Variants in CGNL1 observed in about 807,000 individuals in gnomAD.
The protein encoded by CGNL1 is cingulin like 1.
Under a neutral mutation model 141.2 loss-of-function variants are expected in CGNL1, and 132 were observed. The observed-to-expected ratio is 0.93, with a 90% CI of 0.81 to 1.08. The LOEUF (loss-of-function observed/expected upper bound fraction) is 1.08, where lower values mean the gene tolerates loss of function less well. Ranked by LOEUF, CGNL1 falls within the 50% of genes least tolerant of loss-of-function variation. The pLI is 0.00. For missense variants in CGNL1, 1,870 were observed against 1,588.6 expected, an observed-to-expected ratio of 1.18 and a Z score of -3.01; for synonymous variants, 690 against 622.1, an observed-to-expected ratio of 1.11 and a Z score of -1.63.
intron 1 of CGNL1, among the ~76,000 whole-genome samples, chr15:57,393,605 C>T (rs1282795758): frequency 7.2e-5 from 11 of 151,946 alleles, no homozygotes; most frequent in African/African-American, 2.4e-4. Context: ...ATTTTGGGAT[C>T]CAAAGAATCT....
chr15:57,472,072 A>G (rs2063588916), intron 8 of CGNL1, among the ~76,000 whole-genome samples: 1 of 152,098 alleles, frequency 6.6e-6, no homozygotes, highest in East Asian at 1.9e-4. Flanking sequence ...CCCCCATCTC[A>G]GAAAAAAGAA....
intron 10 of CGNL1, among the ~76,000 whole-genome samples, chr15:57,520,535 G>A (rs922259670): frequency 6.6e-6 from 1 of 152,218 alleles, no homozygotes; most frequent in African/African-American, 2.4e-5. Flanking sequence ...TTCTTGGTTA[G>A]CTCAATGCCC....
chr15:57,459,098 C>T (rs1292966031), intron 7 of CGNL1, among the ~76,000 whole-genome samples: 1 of 152,228 alleles, frequency 6.6e-6, no homozygotes, highest in Non-Finnish European at 1.5e-5. Flanking sequence ...AGCTTATCAT[C>T]TCTGAAGCCT....
chr15:57,413,710 C>T (rs1225272243), intron 1 of CGNL1, among the ~76,000 whole-genome samples: 1 of 152,270 alleles, frequency 6.6e-6, no homozygotes, highest in Non-Finnish European at 1.5e-5. Context: ...CCCATACCCA[C>T]ATTCAGTGAT....
intron 1 of CGNL1, among the ~76,000 whole-genome samples, chr15:57,392,346 G>A (rs1407282894): frequency 6.6e-6 from 1 of 152,092 alleles, no homozygotes; most frequent in Non-Finnish European, 1.5e-5. Flanking sequence ...GGGAGGTTGG[G>A]GAAGGGGAAA....
intron 1 of CGNL1, among the ~76,000 whole-genome samples, chr15:57,378,382 T>TTTTTTG (rs2062389795): frequency 8.7e-6 from 1 of 115,346 alleles, no homozygotes; most frequent in Non-Finnish European, 1.8e-5. Context: ...TTTTTTTTTT[T>TTTTTTG]TTTTTTTTTT....
intron 14 of CGNL1, among the ~76,000 whole-genome samples, chr15:57,534,598 T>C (rs1194949407): frequency 1.3e-5 from 2 of 152,194 alleles, no homozygotes; most frequent in African/African-American, 4.8e-5. Flanking sequence ...TCCACTTAGA[T>C]TAACTTCTAG....
At chr15:57,401,762 G>C (rs1344372068) in intron 1 of CGNL1, among the ~76,000 whole-genome samples, 1 of 152,128 alleles carries the variant, frequency 6.6e-6, no homozygotes, top group Non-Finnish European at 1.5e-5. Flanking sequence ...ATATCCAGCA[G>C]TCTTTATATT....
intron 1 of CGNL1, among the ~76,000 whole-genome samples, chr15:57,414,966 G>A (rs1422754980): frequency 6.6e-6 from 1 of 152,184 alleles, no homozygotes; most frequent in Non-Finnish European, 1.5e-5. Context: ...CACTTAGTGG[G>A]TTGTGTGGTT....
At chr15:57,468,234 C>CTTTT (rs57360097) in intron 8 of CGNL1, among the ~76,000 whole-genome samples, 22 of 85,894 alleles carry the variant, frequency 2.6e-4, no homozygotes, top group East Asian at 7.6e-4. Context: ...TTTTCTTTTT[C>CTTTT]TTTTTTTTTT....
intron 8 of CGNL1, among the ~76,000 whole-genome samples, chr15:57,467,306 C>G (rs546869966): frequency 6.6e-6 from 1 of 152,150 alleles, no homozygotes; most frequent in South Asian, 2.1e-4. Flanking sequence ...AGGAGGAGGA[C>G]TGCTGGCAAT....
chr15:57,497,578 T>A (rs2063958901), intron 8 of CGNL1, among the ~76,000 whole-genome samples: 1 of 152,178 alleles, frequency 6.6e-6, no homozygotes, highest in Non-Finnish European at 1.5e-5. Flanking sequence ...TTATTTAACA[T>A]AAATAGGAAA....
chr15:57,467,197 T>C (rs2063520506), intron 8 of CGNL1, among the ~76,000 whole-genome samples: 1 of 152,162 alleles, frequency 6.6e-6, no homozygotes. Context: ...AGGGGAGATA[T>C]GTAACTCTCA....
At chr15:57,499,192 G>T (rs1208371415) in intron 8 of CGNL1, among the ~76,000 whole-genome samples, 1 of 144,870 alleles carries the variant, frequency 6.9e-6, no homozygotes. Context: ...GAGAAAGGAA[G>T]AAAGAACTGA....
intron 8 of CGNL1, among the ~76,000 whole-genome samples, chr15:57,470,743 A>T (rs1396485966): frequency 2.0e-5 from 3 of 152,196 alleles, no homozygotes; most frequent in Non-Finnish European, 4.4e-5. Context: ...TGAGGATCTT[A>T]TGTGGTCTTG....
intron 18 of CGNL1, 72 bp downstream of exon 18, chr15:57,546,311 A>G (rs2032865087): frequency 6.9e-7 from 1 of 1,449,408 alleles, no homozygotes; most frequent in East Asian, 2.5e-5. Context: ...CTTTCAGAGC[A>G]TTCACACTCC....
chr15:57,459,095 C>T (rs2063415117), intron 7 of CGNL1, among the ~76,000 whole-genome samples: 1 of 152,210 alleles, frequency 6.6e-6, no homozygotes, highest in South Asian at 2.1e-4. Flanking sequence ...AGTAGCTTAT[C>T]ATCTCTGAAG....
chr15:57,506,058 C>T (rs1359656777), intron 8 of CGNL1, among the ~76,000 whole-genome samples: 3 of 152,218 alleles, frequency 2.0e-5, no homozygotes, highest in African/African-American at 7.2e-5. Flanking sequence ...TATCTTCTTT[C>T]TTCAAAAATC....
intron 8 of CGNL1, among the ~76,000 whole-genome samples, chr15:57,476,873 A>C (rs1007579205): frequency 1.3e-5 from 2 of 152,188 alleles, no homozygotes; most frequent in Non-Finnish European, 2.9e-5. Context: ...AGTGAGTAGG[A>C]GTTGGGGACT....
Sources: gnomAD v4.1 joint callset for allele counts (sites outside exome capture counted in the v4.1 genomes callset) on GRCh38, gnomAD v4.1.1 for gene constraint, MANE v1.5 for transcripts, NCBI Gene and HGNC (gene_info 2026-07-23, HGNC 2026-07-21) for gene names.